CAMTA1: variants seen among roughly 807,000 people sequenced by gnomAD.
CAMTA1 encodes calmodulin binding transcription activator 1, also known as calmodulin-binding transcription activator 1.
CAMTA1 carries 27 observed loss-of-function variants against 170.9 expected under a neutral mutation model. That is an observed-to-expected ratio of 0.16 (90% CI 0.12 to 0.22). The LOEUF (loss-of-function observed/expected upper bound fraction) is 0.22, where lower values mean the gene tolerates loss of function less well. Among genes scored for constraint, CAMTA1 ranks in the 10% least tolerant of loss-of-function variants. CAMTA1 has a pLI of 1.00. For synonymous variants in CAMTA1, 833 were observed against 891.5 expected (o/e 0.93, Z 1.17); for missense variants, 1,619 against 2,217.2 (o/e 0.73, Z 5.42).
chr1:7,413,993 T>C (rs1445402156), intron 5 of CAMTA1, among the ~76,000 whole-genome samples: 1 of 152,240 alleles, frequency 6.6e-6, no homozygotes. Flanking sequence ...TCAAAGGCCT[T>C]TTCTGCATCT....
intron 3 of CAMTA1, among the ~76,000 whole-genome samples, chr1:6,859,225 G>A (rs1330818930): frequency 6.6e-6 from 1 of 152,106 alleles, no homozygotes; most frequent in African/African-American, 2.4e-5. Context: ...ATATGTTTGA[G>A]TGTACATACA....
intron 4 of CAMTA1, among the ~76,000 whole-genome samples, chr1:7,240,653 C>G (rs1254795638): frequency 6.6e-6 from 1 of 151,916 alleles, no homozygotes; most frequent in Non-Finnish European, 1.5e-5. Context: ...TCCTGAGTAG[C>G]TGGGACCACA....
chr1:7,258,035 T>C (rs1667670681), intron 5 of CAMTA1, among the ~76,000 whole-genome samples: 2 of 152,124 alleles, frequency 1.3e-5, no homozygotes, highest in South Asian at 2.1e-4. Flanking sequence ...ACTTTCGTGC[T>C]CCCTCTGAAA....
intron 3 of CAMTA1, among the ~76,000 whole-genome samples, chr1:6,899,542 G>A (rs201706677): frequency 2.6e-4 from 32 of 124,724 alleles, no homozygotes; most frequent in East Asian, 1.1e-3. Context: ...TGTATAACGC[G>A]CACGCGCGCG....
At chr1:7,199,023 G>A (rs188210418) in intron 4 of CAMTA1, among the ~76,000 whole-genome samples, 11 of 152,214 alleles carry the variant, frequency 7.2e-5, no homozygotes, top group East Asian at 3.9e-4. Context: ...CTCTTCCACC[G>A]CCTCCCAGGA....
At chr1:7,354,023 C>T (rs1372955256) in intron 5 of CAMTA1, among the ~76,000 whole-genome samples, 1 of 152,152 alleles carries the variant, frequency 6.6e-6, no homozygotes, top group African/African-American at 2.4e-5. Flanking sequence ...GTTTTCTGTT[C>T]AGGCATTAAT....
At chr1:6,914,989 A>C (rs1271336689) in intron 3 of CAMTA1, among the ~76,000 whole-genome samples, 1 of 152,208 alleles carries the variant, frequency 6.6e-6, no homozygotes, top group Non-Finnish European at 1.5e-5. Context: ...CTGCTTCAAG[A>C]ATAAGCAGAG....
intron 3 of CAMTA1, among the ~76,000 whole-genome samples, chr1:6,904,907 G>A (rs1218602853): frequency 1.3e-5 from 2 of 151,710 alleles, no homozygotes; most frequent in African/African-American, 2.4e-5. Flanking sequence ...CCTTTGTTTC[G>A]TATTGCACGC....
At position 6,971,703 on chromosome 1, in the gene CAMTA1, T is replaced by A. The variant is rs1226255912; in HGVS notation, c.235-119601T>A. On this transcript the variant is annotated intron_variant, in intron 3 of 22. Coordinates refer to ENST00000303635, the MANE Select transcript of CAMTA1 (RefSeq NM_015215.4). The surrounding 1 kb of genome is among the most constrained non-coding windows in gnomAD (Gnocchi z 4.6). ...GGGATAAAAACCCCCATGACCATCC[T>A]CCATGCTTATTAGGTAAGTGATTGG... is the stretch of plus-strand genomic sequence containing the variant. 1.3e-5 allele frequency among the ~76,000 whole-genome samples: 2 copies of A among 152,198 alleles called. No individual in the cohort carries two copies. Among genetic ancestry groups the A allele is most frequent in the Non-Finnish European group, 2.9e-5 (2 of 68,032 alleles).
At chr1:7,355,860 C>T (rs540748689) in intron 5 of CAMTA1, among the ~76,000 whole-genome samples, 1 of 152,400 alleles carries the variant, frequency 6.6e-6, no homozygotes, top group East Asian at 1.9e-4. Flanking sequence ...GTTCCCACCC[C>T]AGGGCCTTTG....
intron 3 of CAMTA1, among the ~76,000 whole-genome samples, chr1:7,051,054 CG>C (rs1457316194): frequency 2.6e-5 from 4 of 152,210 alleles, no homozygotes; most frequent in Admixed American, 1.3e-4. Flanking sequence ...ATGTTTTGGT[CG>C]TGATTGGTGA....
Position 7,207,427 on chromosome 1 carries a change from T to G in CAMTA1, c.303-42064T>G, listed in dbSNP as rs144481860. ...TTATATTACAAATTCAGGAGGAAAA[T>G]CTGTCATTGAATGTTTTCTTCTTGT... On this transcript the variant is annotated intron_variant, in intron 4 of 22. Coordinates refer to ENST00000303635, the MANE Select transcript of CAMTA1 (RefSeq NM_015215.4). Among the ~76,000 whole-genome samples the G allele has an allele frequency of 3.7e-3, 565 of 152,292 alleles. 3 individuals carry two copies. Among genetic ancestry groups the G allele is most frequent in the African/African-American group, 0.013 (537 of 41,576 alleles).
chr1:7,071,740 C>T (rs1190190623), intron 3 of CAMTA1, among the ~76,000 whole-genome samples: 1 of 152,200 alleles, frequency 6.6e-6, no homozygotes, highest in African/African-American at 2.4e-5. Context: ...GAGATTGACT[C>T]TTTAAACCAA....
Position 7,224,516 on chromosome 1 carries a change from G to GCTTATTATT in CAMTA1, c.303-24975_303-24974insCTTATTATT, listed in dbSNP as rs1661353982. On this transcript the variant is annotated intron_variant, in intron 4 of 22. Transcript: ENST00000303635. This position sits in a 1 kb window ranked among gnomAD's most constrained non-coding sequence, Gnocchi z 5.2. ...ACTATTTTCCACTTGCTAAAATTAA[G>GCTTATTATT]GTTATTATTATTATTTTTCAGGAAT... 6.6e-6 allele frequency among the ~76,000 whole-genome samples: 1 copy of GCTTATTATT among 152,094 alleles called. No individual in the cohort carries two copies. The highest frequency in any genetic ancestry group is 1.5e-5 in the Non-Finnish European group (1 of 68,016).
At chr1:7,346,166 C>T (rs879727890) in intron 5 of CAMTA1, among the ~76,000 whole-genome samples, 1 of 152,136 alleles carries the variant, frequency 6.6e-6, no homozygotes, top group Non-Finnish European at 1.5e-5. Flanking sequence ...CCAAGGCCTA[C>T]AGCATATCTT....
In CAMTA1 at chr1:7,681,985, G is replaced by A. The variant is rs1264886340; in HGVS notation, c.2914+4252G>A. On this transcript the variant is annotated intron_variant, in intron 11 of 22. Coordinates refer to ENST00000303635, the MANE Select transcript of CAMTA1 (RefSeq NM_015215.4). The surrounding 1 kb of genome is among the most constrained non-coding windows in gnomAD (Gnocchi z 4.6). ...AAGTTGAGAAGATTTAGGGTACCCT[G>A]TCCCCACCCCCACCTGCCGGCCCTT... Among the ~76,000 whole-genome samples the A allele has an allele frequency of 6.6e-6, 1 of 152,114 alleles. No individual in the cohort carries two copies. Among genetic ancestry groups the A allele is most frequent in the Non-Finnish European group, 1.5e-5 (1 of 68,010 alleles).
chr1:7,080,846 G>T (rs1379589087), intron 3 of CAMTA1, among the ~76,000 whole-genome samples: 1 of 152,240 alleles, frequency 6.6e-6, no homozygotes, highest in Non-Finnish European at 1.5e-5. Context: ...TTTCTAGCTA[G>T]TAGAAGGGTG....
At chr1:7,214,855 C>CTTTTTTTTTT (rs1353496472) in intron 4 of CAMTA1, among the ~76,000 whole-genome samples, 2 of 79,360 alleles carry the variant, frequency 2.5e-5, no homozygotes, top group African/African-American at 7.6e-5. Context: ...CTTTTTCTTT[C>CTTTTTTTTTT]TTTCTTTTTT....
chr1:7,024,028 C>CAAA (rs35095557), intron 3 of CAMTA1, among the ~76,000 whole-genome samples: 21 of 96,102 alleles, frequency 2.2e-4, no homozygotes, highest in African/African-American at 5.3e-4. Context: ...GACTCTGTCT[C>CAAA]AAAAAAAAAA....
Sources: allele counts gnomAD v4.1 joint callset (sites outside exome capture counted in the v4.1 genomes callset), GRCh38; gene constraint gnomAD v4.1.1; non-coding constraint Gnocchi (gnomAD v3.1); transcripts MANE v1.5; gene names NCBI Gene and HGNC (gene_info 2026-07-23, HGNC 2026-07-21).